GRIK4: variants seen among roughly 807,000 people sequenced by gnomAD.
The protein encoded by GRIK4 is glutamate receptor ionotropic, kainate 4.
In GRIK4, 40 loss-of-function variants were observed where a neutral mutation model predicts 104.9. The ratio of observed to expected loss-of-function variants is 0.38; its 90% confidence interval spans 0.30 to 0.50. The LOEUF (loss-of-function observed/expected upper bound fraction) is 0.50. GRIK4 is among the 20% of genes least tolerant of loss of function. The pLI is 0.93. For missense variants in GRIK4, 1,047 were observed against 1,308.1 expected, an observed-to-expected ratio of 0.80 and a Z score of 3.08; for synonymous variants, 485 against 524.9, an observed-to-expected ratio of 0.92 and a Z score of 1.04.
intron 3 of GRIK4, among the ~76,000 whole-genome samples, chr11:120,771,782 G>C (rs1022495756): frequency 6.6e-6 from 1 of 152,240 alleles, no homozygotes. Context: ...GCTCCAGTGG[G>C]TGCAGGTATG....
intron 3 of GRIK4, among the ~76,000 whole-genome samples, chr11:120,664,091 T>C (rs1189977918): frequency 6.6e-6 from 1 of 152,228 alleles, no homozygotes; most frequent in Non-Finnish European, 1.5e-5. Flanking sequence ...ATGAATGTGA[T>C]GGATAGATGA....
intron 1 of GRIK4, among the ~76,000 whole-genome samples, chr11:120,521,964 G>A (rs758410038): frequency 6.6e-6 from 1 of 152,278 alleles, no homozygotes; most frequent in Middle Eastern, 3.4e-3. Context: ...TCCAGGCACT[G>A]TTCTAGATGC....
chr11:120,742,759 A>ACTCAACAATACCCATTTCT (rs1951359250), intron 3 of GRIK4, among the ~76,000 whole-genome samples: 1 of 152,194 alleles, frequency 6.6e-6, no homozygotes. Context: ...CAATCCCATT[A>ACTCAACAATACCCATTTCT]CTGGGTATAT....
chr11:120,890,352 C>T (rs1955251427), intron 11 of GRIK4, among the ~76,000 whole-genome samples: 1 of 152,146 alleles, frequency 6.6e-6, no homozygotes, highest in South Asian at 2.1e-4. Flanking sequence ...CCCTGAATCC[C>T]CTTGTGCCAA....
intron 1 of GRIK4, among the ~76,000 whole-genome samples, chr11:120,595,451 A>G (rs1435901225): frequency 6.6e-6 from 1 of 152,028 alleles, no homozygotes; most frequent in East Asian, 1.9e-4. Context: ...CAGAGACTGT[A>G]TGTATTTTGC....
intron 11 of GRIK4, among the ~76,000 whole-genome samples, chr11:120,888,925 A>G (rs551787112): frequency 2.6e-5 from 4 of 152,352 alleles, no homozygotes; most frequent in African/African-American, 9.6e-5. Flanking sequence ...TGCAGGCTTA[A>G]TAAAGCCCAG....
At chr11:120,919,118 C>T (rs1418489345) in intron 13 of GRIK4, among the ~76,000 whole-genome samples, 2 of 152,182 alleles carry the variant, frequency 1.3e-5, no homozygotes, top group Non-Finnish European at 2.9e-5. Context: ...GCCGTCAAGT[C>T]AGACCTTGAT....
chr11:120,635,665 G>C (rs2135190409), intron 1 of GRIK4, among the ~76,000 whole-genome samples: 1 of 152,356 alleles, frequency 6.6e-6, no homozygotes, highest in Non-Finnish European at 1.5e-5. Flanking sequence ...TGAGTGTTTG[G>C]AAAGGGCATG....
intron 3 of GRIK4, among the ~76,000 whole-genome samples, chr11:120,788,234 G>A (rs1204225574): frequency 6.6e-6 from 1 of 152,078 alleles, no homozygotes; most frequent in East Asian, 1.9e-4. Context: ...AAAAACAAAG[G>A]GACCTGAAAA....
At chr11:120,771,212 T>C (rs1951935043) in intron 3 of GRIK4, among the ~76,000 whole-genome samples, 5 of 152,014 alleles carry the variant, frequency 3.3e-5, no homozygotes, top group Admixed American at 3.3e-4. Context: ...AGAGATTAGC[T>C]AAGTGGTCAT....
intron 3 of GRIK4, among the ~76,000 whole-genome samples, chr11:120,786,981 A>G (rs1053273945): frequency 4.6e-5 from 7 of 152,368 alleles, no homozygotes; most frequent in Middle Eastern, 3.4e-3. Context: ...GAAAACAAGA[A>G]TACGAAATAC....
At chr11:120,745,559 G>A (rs1398809171) in intron 3 of GRIK4, among the ~76,000 whole-genome samples, 2 of 152,198 alleles carry the variant, frequency 1.3e-5, no homozygotes, top group Non-Finnish European at 2.9e-5. Flanking sequence ...TACATTTGCA[G>A]GAGCATTTCT....
intron 13 of GRIK4, among the ~76,000 whole-genome samples, chr11:120,917,247 C>CAAAAAAAAAAAAA (rs199620498): frequency 2.6e-4 from 9 of 34,772 alleles, no homozygotes; most frequent in Middle Eastern, 0.019. Context: ...AACTCCGTCT[C>CAAAAAAAAAAAAA]AAAAAAAAAA....
chr11:120,516,092 G>A (rs1318300165), intron 1 of GRIK4, among the ~76,000 whole-genome samples: 2 of 152,166 alleles, frequency 1.3e-5, no homozygotes, highest in African/African-American at 2.4e-5. Context: ...ATTCATCACA[G>A]GTTTTCTTTA....
chr11:120,912,275 G>A (rs1240967597), intron 13 of GRIK4, among the ~76,000 whole-genome samples: 1 of 152,114 alleles, frequency 6.6e-6, no homozygotes, highest in Non-Finnish European at 1.5e-5. Context: ...GTAAGTTTGA[G>A]GTGCCTTTTG....
At chr11:120,936,393 A>G in intron 13 of GRIK4, 1 of 377,464 alleles carries the variant, frequency 2.6e-6, no homozygotes, top group Non-Finnish European at 5.1e-6. Context: ...AGGATCTTTT[A>G]ACTTTTTTTC....
intron 2 of GRIK4, among the ~76,000 whole-genome samples, chr11:120,656,708 G>A (rs1949715789): frequency 6.6e-6 from 1 of 152,170 alleles, no homozygotes; most frequent in African/African-American, 2.4e-5. Flanking sequence ...TAAAAAATTA[G>A]CCAGGCTTGG....
intron 1 of GRIK4, among the ~76,000 whole-genome samples, chr11:120,534,497 G>C (rs117429296): frequency 6.6e-6 from 1 of 152,126 alleles, no homozygotes; most frequent in Non-Finnish European, 1.5e-5. Context: ...ATGACGGAGC[G>C]CTGAGAACCG....
chr11:120,513,566 T>C lies in GRIK4; in HGVS notation c.-159+1679T>C, dbSNP rs1947686911. On this transcript the variant is annotated intron_variant, in intron 1 of 20. Transcript: ENST00000527524. The surrounding 1 kb of genome is among the most constrained non-coding windows in gnomAD (Gnocchi z 4.5). Reference sequence around the variant, plus strand: ...TATTATTTTTCTCACTGGCCAGATGTGTTCCTCAAGGTCACGACCCTTCGG... The same window carrying C: ...TATTATTTTTCTCACTGGCCAGATGCGTTCCTCAAGGTCACGACCCTTCGG... Among the ~76,000 whole-genome samples the C allele has an allele frequency of 6.6e-6, 1 of 152,210 alleles. No individual in the cohort carries two copies. The highest frequency in any genetic ancestry group is 2.4e-5 in the African/African-American group (1 of 41,448).
Sources: gnomAD v4.1 joint callset for allele counts (sites outside exome capture counted in the v4.1 genomes callset) on GRCh38, gnomAD v4.1.1 for gene constraint, Gnocchi (gnomAD v3.1) non-coding constraint, MANE v1.5 for transcripts, NCBI Gene and HGNC (gene_info 2026-07-23, HGNC 2026-07-21) for gene names.